GPHN: variants seen among roughly 807,000 people sequenced by gnomAD.
The protein encoded by GPHN is gephyrin.
GPHN carries 17 observed loss-of-function variants against 95.5 expected under a neutral mutation model. The ratio of observed to expected loss-of-function variants is 0.18; its 90% CI spans 0.12 to 0.27. GPHN has a LOEUF of 0.27. Among genes scored for constraint, GPHN ranks in the 10% least tolerant of loss-of-function variants. GPHN has a pLI of 1.00. For synonymous variants in GPHN, 320 were observed against 322.5 expected, an observed-to-expected ratio of 0.99 and a Z score of 0.08; for missense variants, 660 against 978.1, an observed-to-expected ratio of 0.67 and a Z score of 4.34.
At chr14:67,193,559 CTA>C in the GPHN span, among the ~76,000 whole-genome samples, 1 of 139,594 alleles carries the variant, frequency 7.2e-6, no homozygotes, top group Non-Finnish European at 1.5e-5. Context: ...ATATATAGAT[CTA>C]TATCTATATA....
the GPHN span, among the ~76,000 whole-genome samples, chr14:67,319,810 A>G: frequency 6.6e-6 from 1 of 152,224 alleles, no homozygotes; most frequent in Non-Finnish European, 1.5e-5. Context: ...ATGTCGGTCT[A>G]TGCTAGCCAT....
At chr14:67,438,148 G>A in the GPHN span, among the ~76,000 whole-genome samples, 3 of 152,168 alleles carry the variant, frequency 2.0e-5, no homozygotes, top group East Asian at 5.8e-4. Context: ...TCCCAGGACA[G>A]TATGCTCTGG....
intron 11 of GPHN, among the ~76,000 whole-genome samples, chr14:67,061,142 A>C (rs2075810092): frequency 6.6e-6 from 1 of 152,042 alleles, no homozygotes; most frequent in Non-Finnish European, 1.5e-5. Context: ...CCCAGGTTCA[A>C]GTGATTCTCC....
At chr14:66,807,198 T>C (rs967020158) in intron 3 of GPHN, among the ~76,000 whole-genome samples, 3 of 152,162 alleles carry the variant, frequency 2.0e-5, no homozygotes, top group Admixed American at 1.3e-4. Flanking sequence ...GTGAGACTTA[T>C]TCACTATCAC....
At chr14:67,285,643 C>T in the GPHN span, among the ~76,000 whole-genome samples, 2 of 152,138 alleles carry the variant, frequency 1.3e-5, no homozygotes, top group South Asian at 2.1e-4. Flanking sequence ...ACTGGGATTA[C>T]AGGTGTGAGC....
At chr14:66,969,905 C>T (rs1020989828) in intron 9 of GPHN, 2 of 151,640 alleles carry the variant, frequency 1.3e-5, no homozygotes, top group Admixed American at 1.3e-4. Context: ...TTTCAATTTA[C>T]CATTCATTTT....
At chr14:67,490,830 A>T in the GPHN span, among the ~76,000 whole-genome samples, 1 of 152,068 alleles carries the variant, frequency 6.6e-6, no homozygotes, top group African/African-American at 2.4e-5. Flanking sequence ...AAGGAAAAAA[A>T]GTTTTTTCCT....
At chr14:66,758,002 A>T (rs995143822) in intron 2 of GPHN, among the ~76,000 whole-genome samples, 1 of 152,206 alleles carries the variant, frequency 6.6e-6, no homozygotes, top group African/African-American at 2.4e-5. Flanking sequence ...TTCCCCGTGT[A>T]GCTGGTCCTG....
At chr14:66,754,005 T>C (rs560895082) in intron 2 of GPHN, among the ~76,000 whole-genome samples, 96 of 152,256 alleles carry the variant, frequency 6.3e-4, no homozygotes, top group African/African-American at 2.1e-3. Flanking sequence ...TCACTGAGCA[T>C]TTTTTAAGGT....
chr14:66,849,488 A>G (rs1054299600), intron 4 of GPHN, among the ~76,000 whole-genome samples: 20 of 152,122 alleles, frequency 1.3e-4, no homozygotes, highest in Non-Finnish European at 1.2e-4. Context: ...AAGTTTATGT[A>G]TTTGTACTAT....
chr14:67,285,419 T>G, the GPHN span, among the ~76,000 whole-genome samples: 1 of 138,814 alleles, frequency 7.2e-6, no homozygotes, highest in Non-Finnish European at 1.6e-5. Context: ...CAGGCTGGAG[T>G]GCAGTGGCGC....
chr14:67,582,078 T>C, the GPHN span: 1 of 1,610,396 alleles, frequency 6.2e-7, no homozygotes, highest in African/African-American at 1.3e-5. The surrounding 1 kb of genome is among the most constrained non-coding windows in gnomAD (Gnocchi z 5.0). Flanking sequence ...GGCTGTACTT[T>C]CGCAGTCAAG....
chr14:67,662,452 A>G, the GPHN span: 1 of 1,609,236 alleles, frequency 6.2e-7, no homozygotes, highest in South Asian at 1.1e-5. Context: ...AGGTAGAAGA[A>G]ACAAAATTTG....
the GPHN span, among the ~76,000 whole-genome samples, chr14:67,671,704 C>T: frequency 6.6e-6 from 1 of 152,160 alleles, no homozygotes; most frequent in Non-Finnish European, 1.5e-5. Context: ...AAATGTATTT[C>T]TCAGAGTTCT....
At chr14:67,338,969 C>T in the GPHN span, among the ~76,000 whole-genome samples, 2 of 148,872 alleles carry the variant, frequency 1.3e-5, no homozygotes, top group Admixed American at 6.7e-5. Context: ...AAGCTAATAA[C>T]TGATTTAACC....
the GPHN span, among the ~76,000 whole-genome samples, chr14:67,550,468 C>T: frequency 1.3e-5 from 2 of 152,196 alleles, no homozygotes; most frequent in South Asian, 2.1e-4. Context: ...GGATTACAGG[C>T]GTGCACCACC....
the GPHN span, among the ~76,000 whole-genome samples, chr14:67,536,348 C>T: frequency 6.6e-6 from 1 of 151,840 alleles, no homozygotes; most frequent in Non-Finnish European, 1.5e-5. Flanking sequence ...CTGTTTCTCT[C>T]CCACAATTGA....
Position 67,122,397 on chromosome 14 carries a change from C to A in GPHN, c.1748+20C>A. The stretch of plus-strand genomic sequence containing the variant: ...AGACAAGTAAGTATTTGATGTCATT[C>A]TGAAAAGTTTGTATTGTACAAATAC... On this transcript the variant is annotated intron_variant, in intron 17 of 22. Transcript: ENST00000478722. The A allele has an allele frequency of 6.2e-7, 1 of 1,608,918 alleles. No individual in the cohort carries two copies. Among genetic ancestry groups the A allele is most frequent in the Non-Finnish European group, 8.5e-7 (1 of 1,175,676 alleles).
the GPHN span, among the ~76,000 whole-genome samples, chr14:67,520,608 C>T: frequency 2.0e-5 from 3 of 152,274 alleles, no homozygotes; most frequent in African/African-American, 7.2e-5. Context: ...TGGTTGCTTG[C>T]AAATTATGGC....
Sources: gnomAD v4.1 joint callset for allele counts (sites outside exome capture counted in the v4.1 genomes callset) on GRCh38, gnomAD v4.1.1 for gene constraint, Gnocchi (gnomAD v3.1) non-coding constraint, MANE v1.5 for transcripts, NCBI Gene and HGNC (gene_info 2026-07-23, HGNC 2026-07-21) for gene names.